The following SPATA20 variants were observed in gnomAD, a reference collection of about 807,000 sequenced individuals.
SPATA20 encodes spermatogenesis associated 20.
Under a neutral mutation model 98.9 loss-of-function variants are expected in SPATA20, and 74 were observed. The ratio of observed to expected loss-of-function variants is 0.75; its 90% CI spans 0.62 to 0.91. The LOEUF (loss-of-function observed/expected upper bound fraction) is 0.91, where lower values mean the gene tolerates loss of function less well. Ranked by LOEUF, SPATA20 falls within the 40% of genes least tolerant of loss-of-function variation. The pLI is 0.00. For synonymous variants in SPATA20, 430 were observed against 440.5 expected (o/e 0.98, Z 0.30); for missense variants, 1,016 against 1,069.8 (o/e 0.95, Z 0.70).
Position 50,554,354 on chromosome 17 carries a change from C to T in SPATA20, c.2061C>T (p.Cys687=), listed in dbSNP as rs2035061612. 1 of 1,614,104 alleles carries T rather than the reference C, an allele frequency of 6.2e-7. No individual in the cohort carries two copies. The highest frequency in any genetic ancestry group is 8.5e-7 in the Non-Finnish European group (1 of 1,180,010). The change falls in exon 15 of 17, where the codon TGC becomes TGT. Residue 687 remains cysteine, a synonymous_variant. Transcript: ENST00000006658. ...GHKDWMDKCV[C]LLTAFSERMR... ...AGGACTGGATGGACAAGTGTGTGTG[C>T]CTATTGACCGCCTTTTCCGAGCGCA...
At chr17:50,547,967 G>GCC in intron 2 of SPATA20, 200 bp downstream of exon 2, 1 of 1,491,170 alleles carries the variant, frequency 6.7e-7, no homozygotes, top group Non-Finnish European at 8.9e-7. Flanking sequence ...CTGGGGAGGG[G>GCC]TAAGAATGGA....
intron 12 of SPATA20, 33 bp downstream of exon 12, chr17:50,551,223 G>C: frequency 3.2e-6 from 5 of 1,563,602 alleles, no homozygotes; most frequent in Non-Finnish European, 4.4e-6. Context: ...GAGCCTGTCT[G>C]TAGGATCCCC....
intron 16 of SPATA20, 65 bp from the exon 17 acceptor site, chr17:50,555,427 G>A (rs1567912868): frequency 6.2e-7 from 1 of 1,603,822 alleles, no homozygotes; most frequent in African/African-American, 1.3e-5. Flanking sequence ...TTCCCAGTGG[G>A]CCTTTCTAAT....
chr17:50,550,803 G>A lies in SPATA20; in HGVS notation c.1269G>A (p.Glu423=). ...EGAYYVWTVK[E]VQQLLPEPVL... ...CCTACTATGTGTGGACGGTCAAAGA[G>A]GTTCAGCAGCTCCTCCCGGAGCCTG... The change falls in exon 11 of 17, where the codon GAG becomes GAA. Residue 423 remains glutamate (E), a synonymous_variant. Coordinates refer to ENST00000006658, the MANE Select transcript of SPATA20 (RefSeq NM_022827.4). 6.2e-7 allele frequency: 1 copy of A among 1,613,080 alleles called. No individual in the cohort carries two copies.
chr17:50,547,477 T>C, intron 1 of SPATA20, 192 bp downstream of exon 1: 1 of 633,044 alleles, frequency 1.6e-6, no homozygotes, highest in South Asian at 1.8e-5. Flanking sequence ...TCCTCTCCCG[T>C]CCTCATCCCT....
At chr17:50,548,134 G>C (rs1488291248) in intron 2 of SPATA20, 149 bp from the exon 3 acceptor site, 2 of 1,494,360 alleles carry the variant, frequency 1.3e-6, no homozygotes, top group Non-Finnish European at 1.8e-6. Context: ...GAGCACAAAG[G>C]CCACAGTCTC....
At chr17:50,548,146 C>T in intron 2 of SPATA20, 137 bp from the exon 3 acceptor site, 1 of 1,492,114 alleles carries the variant, frequency 6.7e-7, no homozygotes. Context: ...CACAGTCTCC[C>T]CCATGGTTCA....
chr17:50,551,440 A>C, intron 12 of SPATA20, 71 bp from the exon 13 acceptor site: 1 of 1,504,760 alleles, frequency 6.6e-7, no homozygotes, highest in Non-Finnish European at 9.1e-7. Context: ...TTGGGGCCTA[A>C]GGTGATAGGG....
chr17:50,549,178 C>G lies in SPATA20; in HGVS notation c.652C>G (p.Arg218Gly). 2 of 1,596,120 alleles carry G rather than the reference C, an allele frequency of 1.3e-6. No individual in the cohort carries two copies. The highest frequency in any genetic ancestry group is 1.7e-6 in the Non-Finnish European group (2 of 1,168,246). Residue 218 changes from arginine (R) to glycine (G), a missense_variant, in exon 6 of 17, where the codon CGA becomes GGA. By Grantham distance (125) the Arg-to-Gly change is moderately radical. Coordinates refer to ENST00000006658, the MANE Select transcript of SPATA20 (RefSeq NM_022827.4). ...VGFRTVLLRI[R>G]EQWKQNKNTL... is the part of the protein sequence containing the mutation. ...CTTCCGCACAGTGTTGCTGAGAATA[C>G]GAGAACAGGTGGGTGTGCCTCCGGG...
rs527880840 is a variant in SPATA20, at chr17:50,549,950, A to G, written c.863-35A>G. On this transcript the variant is annotated intron_variant, in intron 7 of 16. Coordinates refer to ENST00000006658, the MANE Select transcript of SPATA20 (RefSeq NM_022827.4). ...CCCCGATCTCTGTCCCCACTTTCCC[A>G]TTCTCTCACCTGCATGTTCTTGGTG... 5.3e-4 allele frequency: 806 copies of G among 1,518,762 alleles called. 12 individuals carry two copies. The South Asian group carries it at 9.4e-3, about 18-fold the overall frequency. The allele number at this position is 1,518,762 out of a possible 1,614,324, so 94.1% of individuals were successfully genotyped here.
rs1019260401 is a variant in SPATA20 at position 50,555,658 on chromosome 17, C to T, written c.2405C>T (p.Pro802Leu). 2 of 1,613,714 alleles carry T rather than the reference C, an allele frequency of 1.2e-6. No homozygotes were observed. Among genetic ancestry groups the T allele is most frequent in the Middle Eastern group, 1.7e-4 (1 of 6,032 alleles). The change falls in exon 17 of 17, where the codon CCA becomes CTA. Residue 802 changes from proline to leucine, a missense_variant. Transcript: ENST00000006658. Reference protein sequence around the residue: ...DPCELRKLLHP With the variant: ...DPCELRKLLHL ...TGCGAATTACGAAAACTACTACATC[C>T]ATGACTGCCCCAACCCCCTTGGGGT...
intron 16 of SPATA20, 43 bp downstream of exon 16, chr17:50,555,355 GC>G (rs1173617157): frequency 2.5e-6 from 4 of 1,598,906 alleles, no homozygotes; most frequent in Non-Finnish European, 3.4e-6. Flanking sequence ...CCCCAGAGCT[GC>G]CCCCTCCCAT....
At chr17:50,552,374 C>G (rs895829715) in intron 14 of SPATA20, among the ~76,000 whole-genome samples, 194 bp downstream of exon 14, 2 of 152,168 alleles carry the variant, frequency 1.3e-5, no homozygotes, top group African/African-American at 4.8e-5. Context: ...CTATGTTGCC[C>G]AGGCTGATCT....
intron 2 of SPATA20, 94 bp downstream of exon 2, chr17:50,547,861 G>A (rs774447445): frequency 2.9e-5 from 31 of 1,075,734 alleles, no homozygotes; most frequent in Non-Finnish European, 1.4e-6. Context: ...GGCCTGTCCA[G>A]CCACCAACAG....
rs186602917 is a variant in SPATA20 at position 50,554,179 on chromosome 17, C to G, written c.1958-72C>G. ...CCCGTCCCCCAAGTGGCCCTGGATA[C>G]AGTCCTGGGCAGGGTCCTGGGACTC... is the stretch of plus-strand genomic sequence containing the variant. On this transcript the variant is annotated intron_variant, in intron 14 of 16. Coordinates refer to ENST00000006658, the MANE Select transcript of SPATA20 (RefSeq NM_022827.4). 5.3e-4 allele frequency: 752 copies of G among 1,412,660 alleles called. 1 individual carries two copies. The African/African-American group carries it at 8.0e-3, about 15-fold the overall frequency. The allele number at this position is 1,412,660 out of a possible 1,614,324, so 87.5% of individuals were successfully genotyped here. A position where few individuals can be genotyped will look rare whatever the true frequency, so the allele number is the denominator to read the frequency against.
intron 14 of SPATA20, 133 bp from the exon 15 acceptor site, chr17:50,554,118 G>A (rs567436061): frequency 3.0e-4 from 223 of 750,116 alleles, no homozygotes; most frequent in Middle Eastern, 1.3e-3. Context: ...CACCCAGAGC[G>A]GGGAAGGGGC....
chr17:50,548,593 G>A lies in SPATA20; in HGVS notation c.336G>A (p.Lys112=), dbSNP rs1293950768. The part of the protein sequence containing the change: ...WGQEAFDKAR[K]ENKPIFLSVG... The stretch of plus-strand genomic sequence containing the variant: ...AGGAAGCCTTCGACAAGGCCAGGAA[G>A]GAAAACAAGCCGATTTTCCTCTCAG... Residue 112 remains lysine (K), a synonymous_variant, in exon 4 of 17, where the codon AAG becomes AAA. Coordinates refer to ENST00000006658, the MANE Select transcript of SPATA20 (RefSeq NM_022827.4). The A allele has an allele frequency of 6.2e-7, 1 of 1,613,602 alleles. No individual in the cohort carries two copies.
At chr17:50,549,235 C>T (rs776249347) in intron 6 of SPATA20, 49 bp downstream of exon 6, 2 of 1,597,574 alleles carry the variant, frequency 1.3e-6, no homozygotes, top group East Asian at 2.2e-5. Flanking sequence ...GACTAGGAAA[C>T]AAGAGCCCCT....
At position 50,551,129 on chromosome 17, in the gene SPATA20, C is replaced by T; in HGVS notation, c.1515C>T (p.Phe505=). Residue 505 remains phenylalanine (F), a synonymous_variant, in exon 12 of 17, where the codon TTC becomes TTT. Coordinates refer to ENST00000006658, the MANE Select transcript of SPATA20 (RefSeq NM_022827.4). ...TLLNSGLEKL[F]QARKHRPKPH... is the part of the protein sequence containing the mutation. The stretch of plus-strand genomic sequence containing the variant: ...TCAATTCAGGGCTGGAGAAGCTCTT[C>T]CAGGCCCGGAAGCATCGGCCCAAGC... The T allele has an allele frequency of 6.2e-7, 1 of 1,611,664 alleles. No individual in the cohort carries two copies. Among genetic ancestry groups the T allele is most frequent in the African/African-American group, 1.3e-5 (1 of 75,030 alleles).
Sources: gnomAD v4.1 joint callset for allele counts (sites outside exome capture counted in the v4.1 genomes callset) on GRCh38, gnomAD v4.1.1 for gene constraint, MANE v1.5 for transcripts, NCBI Gene and HGNC (gene_info 2026-07-23, HGNC 2026-07-21) for gene names.